Variants in CR1 observed in about 807,000 individuals in gnomAD.
CR1 encodes complement C3b/C4b receptor 1 (Knops blood group).
Under a neutral mutation model 187.3 loss-of-function variants are expected in CR1, and 116 were observed. The observed-to-expected ratio is 0.62, with a 90% CI of 0.53 to 0.72. The LOEUF is 0.72. Ranked by LOEUF, CR1 falls within the 30% of genes least tolerant of loss-of-function variation. CR1 has a pLI of 0.00. For missense variants in CR1, 1,731 were observed against 2,110.7 expected, an observed-to-expected ratio of 0.82 and a Z score of 3.52; for synonymous variants, 576 against 747.1, an observed-to-expected ratio of 0.77 and a Z score of 3.73.
At chr1:207,526,246 G>A (rs1473893431) in intron 5 of CR1, among the ~76,000 whole-genome samples, 1 of 152,014 alleles carries the variant, frequency 6.6e-6, no homozygotes. Flanking sequence ...GCCGCTGAGA[G>A]AAGACTTGAA....
chr1:207,499,248 T>G (rs1226082810), intron 1 of CR1, among the ~76,000 whole-genome samples: 1 of 151,934 alleles, frequency 6.6e-6, no homozygotes, highest in Non-Finnish European at 1.5e-5. Context: ...CCAAGAAAAA[T>G]TATTAGGGAT....
Position 207,580,574 on chromosome 1 carries a change from T to A in CR1, c.5177T>A (p.Leu1726His). The change falls in exon 31 of 47, where the codon CTC becomes CAC. Residue 1726 changes from leucine (L) to histidine (H), a missense_variant. By Grantham distance (99) the Leu-to-His change is moderately conservative. Around this residue, in one of 5 missense-constraint regions of CR1, gnomAD observed 1,312 missense variants for 1,379.6 expected, o/e 0.95. Transcript: ENST00000367049. Reference protein sequence around the residue: ...PHGRVLFPLNLQLGAKVSFVC... With the variant: ...PHGRVLFPLNHQLGAKVSFVC... The stretch of plus-strand genomic sequence containing the variant: ...GGCCGTGTGCTATTTCCACTTAATC[T>A]CCAGCTTGGGGCAAAGGTGTCCTTT... 6.2e-7 allele frequency: 1 copy of A among 1,613,510 alleles called. No homozygotes were observed. The highest frequency in any genetic ancestry group is 1.7e-5 in the Admixed American group (1 of 59,966).
chr1:207,597,052 A>G (rs959941465), intron 35 of CR1, among the ~76,000 whole-genome samples: 1 of 148,994 alleles, frequency 6.7e-6, no homozygotes. Flanking sequence ...CAATAAAAAT[A>G]TTGATATAAA....
chr1:207,575,951 C>T (rs1660732609), intron 28 of CR1, among the ~76,000 whole-genome samples: 1 of 152,134 alleles, frequency 6.6e-6, no homozygotes, highest in Non-Finnish European at 1.5e-5. Context: ...TGGTTGAGCA[C>T]CTCGCAGTTT....
chr1:207,516,280 C>T (rs969996349), intron 4 of CR1, among the ~76,000 whole-genome samples: 3 of 152,126 alleles, frequency 2.0e-5, no homozygotes, highest in South Asian at 2.1e-4. Flanking sequence ...TAGTGCAATG[C>T]GACACCACCA....
chr1:207,515,845 T>C (rs1251529852), intron 4 of CR1, among the ~76,000 whole-genome samples: 1 of 152,166 alleles, frequency 6.6e-6, no homozygotes, highest in African/African-American at 2.4e-5. Context: ...ATGTCTTTTG[T>C]TTATGAAAGT....
intron 46 of CR1, among the ~76,000 whole-genome samples, chr1:207,634,111 G>A (rs1355151967): frequency 6.6e-6 from 1 of 152,124 alleles, no homozygotes; most frequent in Non-Finnish European, 1.5e-5. Flanking sequence ...CACTTCTTTT[G>A]TGATTCTTCA....
chr1:207,617,612 TAGAGAGAGAGAGAGAGAGAGAG>T (rs1156448710), intron 41 of CR1, among the ~76,000 whole-genome samples: 320 of 22,002 alleles, frequency 0.015, 3 homozygotes, highest in African/African-American at 0.026. Context: ...TATATATATA[TAGAGAGAGAGAGAGAGAGAGAG>T]AGAGAGAGAG....
chr1:207,575,334 T>C (rs1445274264), intron 27 of CR1, among the ~76,000 whole-genome samples: 5 of 152,318 alleles, frequency 3.3e-5, no homozygotes, highest in Non-Finnish European at 7.4e-5. Flanking sequence ...ATAATTGTTT[T>C]ATTTTCGTGC....
intron 1 of CR1, among the ~76,000 whole-genome samples, chr1:207,503,633 T>G (rs912159127): frequency 5.3e-5 from 8 of 152,226 alleles, no homozygotes; most frequent in African/African-American, 1.9e-4. Context: ...AGGACCCTTG[T>G]GATCACATTT....
chr1:207,497,014 C>A (rs1462043318), intron 1 of CR1, among the ~76,000 whole-genome samples: 9 of 152,202 alleles, frequency 5.9e-5, no homozygotes, highest in African/African-American at 2.2e-4. Context: ...TGTTACCTGA[C>A]AACTGCCCCG....
intron 4 of CR1, among the ~76,000 whole-genome samples, chr1:207,517,447 T>C (rs566806386): frequency 1.9e-4 from 29 of 152,298 alleles, no homozygotes; most frequent in Admixed American, 1.9e-3. Context: ...TGCATTTATA[T>C]TCTCAAGAGA....
intron 32 of CR1, among the ~76,000 whole-genome samples, chr1:207,584,402 T>C (rs1661047758): frequency 6.6e-6 from 1 of 152,202 alleles, no homozygotes; most frequent in South Asian, 2.1e-4. Flanking sequence ...TTCAGAAATA[T>C]TAACTATCTG....
chr1:207,601,642 G>T (rs1218334581), intron 35 of CR1, among the ~76,000 whole-genome samples: 1 of 152,080 alleles, frequency 6.6e-6, no homozygotes, highest in Non-Finnish European at 1.5e-5. Flanking sequence ...AAGTCAGTTT[G>T]ATTTACATTT....
At chr1:207,590,803 G>T (rs1661246969) in intron 35 of CR1, among the ~76,000 whole-genome samples, 1 of 152,150 alleles carries the variant, frequency 6.6e-6, no homozygotes, top group African/African-American at 2.4e-5. Context: ...AAAAGCAGGG[G>T]TTACAGTCCT....
chr1:207,580,102 A>T, intron 29 of CR1, 138 bp from the exon 30 acceptor site: 3 of 1,252,770 alleles, frequency 2.4e-6, no homozygotes, highest in Non-Finnish European at 3.3e-6. Context: ...TGCCCTGTAG[A>T]TTTACAAGTG....
At chr1:207,567,429 G>C (rs1393809202) in intron 24 of CR1, among the ~76,000 whole-genome samples, 1 of 150,344 alleles carries the variant, frequency 6.7e-6, no homozygotes, top group Non-Finnish European at 1.5e-5. Context: ...TATTTCCTAA[G>C]AATGTAGGCT....
chr1:207,565,162 C>G (rs1660454576), intron 23 of CR1, among the ~76,000 whole-genome samples: 1 of 149,988 alleles, frequency 6.7e-6, no homozygotes, highest in Admixed American at 6.6e-5. Flanking sequence ...CAACAAAGCA[C>G]CTGATCCCAT....
chr1:207,504,174 C>T (rs78411687), intron 1 of CR1, among the ~76,000 whole-genome samples: 4,386 of 152,226 alleles, frequency 0.029, 214 homozygotes, highest in African/African-American at 0.098. Context: ...TTTTGGGTAT[C>T]GGCTAATGTC....
Sources: allele counts gnomAD v4.1 joint callset (sites outside exome capture counted in the v4.1 genomes callset), GRCh38; gene constraint gnomAD v4.1.1; regional missense constraint gnomAD v4.1.1; transcripts MANE v1.5; gene names NCBI Gene and HGNC (gene_info 2026-07-23, HGNC 2026-07-21).